MTM1: variants seen among roughly 807,000 people sequenced by gnomAD.
MTM1 encodes the protein myotubularin.
A neutral mutation model predicts 52.1 loss-of-function variants in MTM1; 9 were observed. The observed-to-expected ratio is 0.17, with a 90% CI of 0.10 to 0.30. The LOEUF (loss-of-function observed/expected upper bound fraction) is 0.30, where lower values mean the gene tolerates loss of function less well. Among genes scored for constraint, MTM1 ranks in the 10% least tolerant of loss-of-function variants. The probability of loss-of-function intolerance (pLI) is 1.00; values close to 1 mark genes in which losing one functional copy is unlikely to be tolerated. For missense variants in MTM1, 277 were observed against 470.7 expected, an observed-to-expected ratio of 0.59 and a Z score of 3.81; for synonymous variants, 136 against 163.8, an observed-to-expected ratio of 0.83 and a Z score of 1.29.
At chrX:150,640,733 C>T (rs1557413826) in intron 7 of MTM1, among the ~76,000 whole-genome samples, 2 of 111,554 alleles carry the variant, frequency 1.8e-5, no homozygotes, top group South Asian at 3.8e-4. Context: ...TCGGAGGTGG[C>T]GAAATGAGCC....
chrX:150,658,755 A>G (rs1429172109), intron 11 of MTM1, among the ~76,000 whole-genome samples: 1 of 112,059 alleles, frequency 8.9e-6, no homozygotes, highest in Admixed American at 9.5e-5. Flanking sequence ...CCCTTTCAGA[A>G]ACACTGCTAT....
Position 150,660,772 on chromosome X carries a change from C to T in MTM1, c.1467+288C>T, listed in dbSNP as rs782602668. 8.1e-5 allele frequency among the ~76,000 whole-genome samples: 9 copies of T among 111,313 alleles called. No individual in the cohort carries two copies. The South Asian group carries it at 3.4e-3, about 42-fold the overall frequency. ...AGCCTCAGGCTGCTTCCACTCATGG[C>T]AGAAGGTGAAGGGGAGCCAGTGTGT... On this transcript the variant is annotated intron_variant, in intron 13 of 14. Coordinates refer to ENST00000370396, the MANE Select transcript of MTM1 (RefSeq NM_000252.3).
intron 1 of MTM1, among the ~76,000 whole-genome samples, chrX:150,582,244 C>G (rs782448083): frequency 5.4e-5 from 6 of 110,921 alleles, no homozygotes; most frequent in Admixed American, 1.9e-4. Flanking sequence ...AGGAGTATCT[C>G]AGAATGACTG....
At chrX:150,643,433 CT>C (rs1490842585) in intron 8 of MTM1, among the ~76,000 whole-genome samples, 2 of 111,373 alleles carry the variant, frequency 1.8e-5, no homozygotes, top group African/African-American at 6.5e-5. Flanking sequence ...ATAAAAAATA[CT>C]GATAAGCAAA....
chrX:150,577,277 A>G (rs782583090), intron 1 of MTM1, among the ~76,000 whole-genome samples: 2 of 112,591 alleles, frequency 1.8e-5, no homozygotes, highest in Non-Finnish European at 3.8e-5. Flanking sequence ...ACATTCACAT[A>G]CAAGTCTTTG....
At chrX:150,607,767 A>G (rs1427233959) in intron 4 of MTM1, among the ~76,000 whole-genome samples, 2 of 111,680 alleles carry the variant, frequency 1.8e-5, no homozygotes, top group Non-Finnish European at 3.8e-5. Context: ...AGAGTCCAGT[A>G]TGTGTTAAGC....
chrX:150,641,726 G>T (rs2039853079), intron 8 of MTM1, among the ~76,000 whole-genome samples: 1 of 111,626 alleles, frequency 9.0e-6, no homozygotes, highest in Admixed American at 9.5e-5. Context: ...TGTGGCTTTT[G>T]TCTTTGTGGC....
intron 1 of MTM1, among the ~76,000 whole-genome samples, chrX:150,588,880 TTGTA>T (rs1342678405): frequency 8.9e-6 from 1 of 111,933 alleles, no homozygotes; most frequent in Non-Finnish European, 1.9e-5. Context: ...AAACATGAGT[TTGTA>T]TGAACTTGTG....
At chrX:150,575,877 G>A (rs2038463380) in intron 1 of MTM1, among the ~76,000 whole-genome samples, 1 of 110,893 alleles carries the variant, frequency 9.0e-6, no homozygotes, top group African/African-American at 3.3e-5. Context: ...GCTTCTTACT[G>A]TGTTACCCAG....
intron 4 of MTM1, among the ~76,000 whole-genome samples, chrX:150,606,951 C>CCTT (rs1165327730): frequency 9.0e-5 from 4 of 44,492 alleles, no homozygotes; most frequent in Admixed American, 2.2e-4. Context: ...CCCTCCCCTC[C>CCTT]CCCTCCCCTC....
At chrX:150,634,745 G>A (rs782075911) in intron 6 of MTM1, among the ~76,000 whole-genome samples, 3 of 111,681 alleles carry the variant, frequency 2.7e-5, no homozygotes, top group African/African-American at 9.8e-5. Context: ...AGGTGAGGGT[G>A]GCCATTTGAG....
chrX:150,625,647 T>C (rs2039554983), intron 6 of MTM1, among the ~76,000 whole-genome samples: 1 of 112,474 alleles, frequency 8.9e-6, no homozygotes. Flanking sequence ...TGCTCAGGCT[T>C]ACTGCTTTTA....
At position 150,641,430 on chromosome X, in the gene MTM1, A is replaced by G; in HGVS notation, c.678+12A>G. ...GAAATCGAATTCCAGTGAGTACTGCAATTAACGTTTCTCTTGAAGAGCACC... is the reference window on the plus strand; with the variant it reads ...GAAATCGAATTCCAGTGAGTACTGCGATTAACGTTTCTCTTGAAGAGCACC... On this transcript the variant is annotated intron_variant, in intron 8 of 14. Transcript: ENST00000370396. 8.3e-7 allele frequency: 1 copy of G among 1,209,721 alleles called. No homozygotes were observed. The highest frequency in any genetic ancestry group is 1.1e-6 in the Non-Finnish European group (1 of 893,779).
chrX:150,656,728 T>C lies in MTM1; in HGVS notation c.1054-1093T>C, dbSNP rs191424484. ...GGAGAAAATTTTTGCAATCTACCCA[T>C]CTGACAAAGGGCTATATCCAGAATC... is the stretch of plus-strand genomic sequence containing the variant. On this transcript the variant is annotated intron_variant, in intron 10 of 14. Coordinates refer to ENST00000370396, the MANE Select transcript of MTM1 (RefSeq NM_000252.3). Among the ~76,000 whole-genome samples the C allele has an allele frequency of 2.1e-4, 23 of 111,405 alleles. No individual in the cohort carries two copies. The East Asian group carries it at 6.5e-3, about 31-fold the overall frequency.
At chrX:150,623,460 C>T (rs962647957) in intron 6 of MTM1, among the ~76,000 whole-genome samples, 16 of 110,709 alleles carry the variant, frequency 1.4e-4, no homozygotes, top group African/African-American at 5.3e-4. Flanking sequence ...CGGGGACAAA[C>T]ACCAGTTTGC....
At chrX:150,610,442 A>G (rs1557412955) in intron 4 of MTM1, among the ~76,000 whole-genome samples, 1 of 112,040 alleles carries the variant, frequency 8.9e-6, no homozygotes, top group Non-Finnish European at 1.9e-5. Context: ...AGAATGCATT[A>G]TTTTAGGTTA....
intron 10 of MTM1, among the ~76,000 whole-genome samples, chrX:150,654,963 C>T (rs1442061896): frequency 8.9e-6 from 1 of 111,958 alleles, no homozygotes; most frequent in South Asian, 3.7e-4. Context: ...ATGGAACTCT[C>T]ATACATTGTT....
chrX:150,631,681 A>AC (rs2039672349), intron 6 of MTM1, among the ~76,000 whole-genome samples: 1 of 108,514 alleles, frequency 9.2e-6, no homozygotes. Flanking sequence ...AAAAAAAAAA[A>AC]AAAAAAAAAA....
chrX:150,586,907 C>A (rs1417353949), intron 1 of MTM1, among the ~76,000 whole-genome samples: 3 of 80,940 alleles, frequency 3.7e-5, no homozygotes, highest in Non-Finnish European at 7.4e-5. Context: ...GAGTGACACT[C>A]TGTCTCAAAA....
Sources: allele counts gnomAD v4.1 joint callset (sites outside exome capture counted in the v4.1 genomes callset), GRCh38; gene constraint gnomAD v4.1.1; transcripts MANE v1.5; gene names NCBI Gene and HGNC (gene_info 2026-07-23, HGNC 2026-07-21).